Variants in AK5 observed in about 807,000 individuals in gnomAD.
The protein encoded by AK5 is adenylate kinase isoenzyme 5.
Under a neutral mutation model 69.5 loss-of-function variants are expected in AK5, and 27 were observed. The observed-to-expected ratio is 0.39, with a 90% CI of 0.29 to 0.54. AK5 has a LOEUF of 0.54. Ranked by LOEUF, AK5 falls within the 20% of genes least tolerant of loss-of-function variation. The pLI is 0.71. For synonymous variants in AK5, 260 were observed against 244.4 expected (o/e 1.06, Z -0.60); for missense variants, 531 against 700.4 (o/e 0.76, Z 2.73).
At chr1:77,316,927 A>G (rs1282844739) in intron 5 of AK5, among the ~76,000 whole-genome samples, 1 of 152,170 alleles carries the variant, frequency 6.6e-6, no homozygotes, top group Non-Finnish European at 1.5e-5. Context: ...GTCATCTTTG[A>G]TTTTGCCATG....
chr1:77,456,552 G>A (rs74092649), intron 8 of AK5, among the ~76,000 whole-genome samples: 6,939 of 152,326 alleles, frequency 0.046, 402 homozygotes, highest in East Asian at 0.19. Flanking sequence ...GTGCCAGGGA[G>A]CAAGAACAGC....
At chr1:77,538,520 C>T (rs1030033544) in intron 13 of AK5, among the ~76,000 whole-genome samples, 5 of 150,358 alleles carry the variant, frequency 3.3e-5, no homozygotes, top group African/African-American at 7.4e-5. Flanking sequence ...TGTGGTGGCG[C>T]GTGCCTGTAA....
intron 1 of AK5, among the ~76,000 whole-genome samples, chr1:77,286,516 A>T (rs934469653): frequency 6.6e-6 from 1 of 151,940 alleles, no homozygotes; most frequent in African/African-American, 2.4e-5. Flanking sequence ...GACAAAAACA[A>T]TCAGAATTCA....
At chr1:77,291,664 T>G (rs1177581848) in intron 2 of AK5, among the ~76,000 whole-genome samples, 1 of 152,196 alleles carries the variant, frequency 6.6e-6, no homozygotes. Context: ...TTATTACTAA[T>G]TCAACAAATA....
chr1:77,507,284 AGTGCCCCACATATGAGAG>A (rs1001853888), intron 10 of AK5, among the ~76,000 whole-genome samples: 3 of 152,236 alleles, frequency 2.0e-5, no homozygotes, highest in Admixed American at 6.5e-5. Context: ...ACAGGCCAGA[AGTGCCCCACATATGAGAG>A]GCTGTAGAGT....
chr1:77,386,082 G>T (rs535316815), intron 6 of AK5, among the ~76,000 whole-genome samples: 1 of 152,168 alleles, frequency 6.6e-6, no homozygotes, highest in East Asian at 1.9e-4. Context: ...TTTTTAAGAG[G>T]CTTGGAATAG....
intron 10 of AK5, among the ~76,000 whole-genome samples, chr1:77,487,243 A>G (rs959950978): frequency 2.0e-5 from 3 of 152,210 alleles, no homozygotes; most frequent in Non-Finnish European, 4.4e-5. Context: ...TATCTATTAC[A>G]TAGACAAGAA....
At chr1:77,547,918 C>T (rs1284838231) in intron 13 of AK5, among the ~76,000 whole-genome samples, 2 of 152,120 alleles carry the variant, frequency 1.3e-5, no homozygotes, top group East Asian at 1.9e-4. Flanking sequence ...TTCTAGACTA[C>T]CCAAGGATGT....
chr1:77,315,739 G>A (rs1302002089), intron 5 of AK5, among the ~76,000 whole-genome samples: 1 of 152,144 alleles, frequency 6.6e-6, no homozygotes, highest in Non-Finnish European at 1.5e-5. Flanking sequence ...CAGTCTTTAT[G>A]CCAAAGACTG....
chr1:77,297,102 T>G (rs1388879898), intron 3 of AK5, among the ~76,000 whole-genome samples: 1 of 152,186 alleles, frequency 6.6e-6, no homozygotes, highest in Non-Finnish European at 1.5e-5. Flanking sequence ...GTGTAAATAC[T>G]GGTAGGCGTT....
rs1364110987 is a variant in AK5, at chr1:77,339,641, TA to T, written c.700-735del. 1.1e-4 allele frequency among the ~76,000 whole-genome samples: 14 copies of T among 126,354 alleles called. No homozygotes were observed. In the East Asian group the frequency reaches 2.6e-3, roughly 24 times the overall value. 82.9% of individuals were successfully genotyped at this position (126,354 alleles called of 152,430 possible). ...TGCAGATTGTTGTAAAATTTAGCAA[TA>T]TCTTTTTTTTTTTTTTTTTTTGAGA... On this transcript the variant is annotated intron_variant, in intron 5 of 13. Coordinates refer to ENST00000354567, the MANE Select transcript of AK5 (RefSeq NM_174858.3).
intron 6 of AK5, among the ~76,000 whole-genome samples, chr1:77,392,769 G>GTT (rs79380416): frequency 1.0e-4 from 15 of 148,086 alleles, no homozygotes; most frequent in South Asian, 2.1e-4. Flanking sequence ...TGATTGCTGG[G>GTT]TTTTTTTTTT....
chr1:77,555,287 AAAAC>A (rs1056771423), intron 13 of AK5, among the ~76,000 whole-genome samples: 2 of 152,184 alleles, frequency 1.3e-5, no homozygotes, highest in Admixed American at 6.5e-5. Flanking sequence ...TAAAAAACAA[AAAAC>A]AAACAAAAAA....
At chr1:77,525,642 T>C (rs913408408) in intron 12 of AK5, among the ~76,000 whole-genome samples, 4 of 152,178 alleles carry the variant, frequency 2.6e-5, no homozygotes, top group African/African-American at 9.6e-5. Flanking sequence ...TCTGCCCCCA[T>C]GACCCAAACA....
intron 6 of AK5, 103 bp downstream of exon 6, chr1:77,340,671 C>T (rs896045064): frequency 9.3e-7 from 1 of 1,073,840 alleles, no homozygotes; most frequent in East Asian, 2.5e-5. Flanking sequence ...TAAAAAGTGG[C>T]TTTTGGGGGG....
chr1:77,289,071 C>T (rs1658527880), intron 2 of AK5, among the ~76,000 whole-genome samples: 1 of 152,190 alleles, frequency 6.6e-6, no homozygotes, highest in African/African-American at 2.4e-5. Context: ...TTCATAGACC[C>T]ACTTTCTGGT....
At chr1:77,345,676 C>G (rs1380037771) in intron 6 of AK5, among the ~76,000 whole-genome samples, 1 of 152,176 alleles carries the variant, frequency 6.6e-6, no homozygotes, top group Non-Finnish European at 1.5e-5. Flanking sequence ...CAAACTACAC[C>G]ATTGTTTATT....
chr1:77,437,994 G>A (rs1183566456), intron 8 of AK5, among the ~76,000 whole-genome samples: 1 of 151,988 alleles, frequency 6.6e-6, no homozygotes, highest in Non-Finnish European at 1.5e-5. Flanking sequence ...ATCACCCTAA[G>A]CAATTGCTAG....
chr1:77,350,027 G>C (rs765084951), intron 6 of AK5, among the ~76,000 whole-genome samples: 12 of 152,272 alleles, frequency 7.9e-5, no homozygotes, highest in Middle Eastern at 3.4e-3. Context: ...GCTATCTGTT[G>C]ACATGCCTGA....
Sources: gnomAD v4.1 joint callset for allele counts (sites outside exome capture counted in the v4.1 genomes callset) on GRCh38, gnomAD v4.1.1 for gene constraint, MANE v1.5 for transcripts, NCBI Gene and HGNC (gene_info 2026-07-23, HGNC 2026-07-21) for gene names.